The following PGPEP1L variants were observed in gnomAD, a reference collection of about 807,000 sequenced individuals.
The protein encoded by PGPEP1L is pyroglutamyl-peptidase 1-like protein.
Under a neutral mutation model 6.0 loss-of-function variants are expected in PGPEP1L, and 7 were observed. That is an observed-to-expected ratio of 1.17 (90% CI 0.66 to 2.19). The LOEUF is 2.19. PGPEP1L is among the 30% of genes most tolerant of loss of function. The pLI, the probability that PGPEP1L is intolerant of heterozygous loss-of-function variation, is 0.00. For synonymous variants in PGPEP1L, 103 were observed against 83.9 expected (o/e 1.23, Z -1.24); for missense variants, 209 against 192.5 (o/e 1.09, Z -0.51).
chr15:98,973,285 T>C (rs1208758115), intron 2 of PGPEP1L, among the ~76,000 whole-genome samples: 5 of 152,212 alleles, frequency 3.3e-5, no homozygotes, highest in Admixed American at 6.5e-5. Context: ...TACTCCACTT[T>C]CAGCAATGGA....
chr15:98,983,972 GT>G (rs1287141394), intron 2 of PGPEP1L, among the ~76,000 whole-genome samples: 2 of 145,532 alleles, frequency 1.4e-5, no homozygotes, highest in Non-Finnish European at 3.0e-5. Context: ...AATTCCATGA[GT>G]TCCCATTTAT....
chr15:99,002,751 G>C (rs2654973), intron 2 of PGPEP1L, among the ~76,000 whole-genome samples: 99,545 of 150,268 alleles, frequency 0.66, 33,945 homozygotes, highest in Non-Finnish European at 0.77. Flanking sequence ...GTGGGCTGCA[G>C]ATACAAGTGG....
intron 2 of PGPEP1L, among the ~76,000 whole-genome samples, chr15:98,972,077 G>T (rs1285409716): frequency 2.0e-5 from 3 of 152,136 alleles, no homozygotes; most frequent in East Asian, 1.9e-4. Context: ...CATGGGCCAG[G>T]CATGGTGGTT....
intron 3 of PGPEP1L, among the ~76,000 whole-genome samples, chr15:98,970,036 ATATTT>A (rs1215365782): frequency 1.3e-5 from 2 of 151,914 alleles, no homozygotes; most frequent in East Asian, 1.9e-4. Context: ...TTTTTATTTT[ATATTT>A]TATTTATGTA....
Position 98,968,638 on chromosome 15 carries a change from A to G in PGPEP1L, c.269T>C (p.Leu90Pro). ...SLHHGKGCAA[L>P]IHVPPLSRGL... ...GCGCGATAGTGGAGGGACATGGATG[A>G]GTGCCGCGCAGCCCTTTCCATGATG... Residue 90 changes from leucine to proline, a missense_variant, in exon 5 of 5, where the codon CTC becomes CCC. Transcript: ENST00000535714. 1 of 1,599,274 alleles carries G rather than the reference A, an allele frequency of 6.3e-7. No individual in the cohort carries two copies. The highest frequency in any genetic ancestry group is 8.5e-7 in the Non-Finnish European group (1 of 1,172,716).
intron 2 of PGPEP1L, among the ~76,000 whole-genome samples, chr15:99,002,535 A>G (rs1267647304): frequency 6.6e-6 from 1 of 152,206 alleles, no homozygotes; most frequent in Non-Finnish European, 1.5e-5. Flanking sequence ...AATTATACCA[A>G]TGTCAATATC....
chr15:98,969,625 G>A lies in PGPEP1L; in HGVS notation c.9C>T (p.Thr3=), dbSNP rs1306935506. ...GTTCCAGAATGATCGCCTTGGCGGC[G>A]GTGTCCATGCCCACATGCACGACGA... MD[T]AAKAIILEQS... The change falls in exon 4 of 5, where the codon ACC becomes ACT. Residue 3 remains threonine, a synonymous_variant. Transcript: ENST00000535714. 4 of 1,612,422 alleles carry A rather than the reference G, an allele frequency of 2.5e-6. No homozygotes were observed. The highest frequency in any genetic ancestry group is 1.3e-5 in the African/African-American group (1 of 74,912).
At chr15:98,991,588 C>T (rs1555472082) in intron 2 of PGPEP1L, among the ~76,000 whole-genome samples, 1 of 152,144 alleles carries the variant, frequency 6.6e-6, no homozygotes, top group Non-Finnish European at 1.5e-5. Flanking sequence ...AGGGAATCCT[C>T]CCTAACTCAT....
Position 99,005,461 on chromosome 15 carries a change from A to G in PGPEP1L, c.-174T>C, listed in dbSNP as rs1270683039. 6.6e-6 allele frequency: 1 copy of G among 152,548 alleles called. No homozygotes were observed. Among genetic ancestry groups the G allele is most frequent in the African/African-American group, 2.4e-5 (1 of 41,472 alleles). 9.4% of individuals were successfully genotyped at this position (152,548 alleles called of 1,614,324 possible). ...CACCACGCAGCTGGGCTGGGAATCCATGAAGACGAAGTGGGAGCTCGCGCT... is the reference window on the plus strand; with the variant it reads ...CACCACGCAGCTGGGCTGGGAATCCGTGAAGACGAAGTGGGAGCTCGCGCT... On this transcript the variant is annotated 5_prime_UTR_variant, in exon 2 of 5. The change abolishes an upstream ATG in the 5' untranslated region. Transcript: ENST00000535714.
intron 2 of PGPEP1L, among the ~76,000 whole-genome samples, chr15:99,000,258 G>T (rs1211290532): frequency 6.6e-6 from 1 of 152,200 alleles, no homozygotes; most frequent in Non-Finnish European, 1.5e-5. Context: ...CAGGGCTCAG[G>T]ACCTGCAGCC....
At chr15:98,974,930 AAG>A (rs2084497702) in intron 2 of PGPEP1L, among the ~76,000 whole-genome samples, 1 of 152,178 alleles carries the variant, frequency 6.6e-6, no homozygotes, top group African/African-American at 2.4e-5. Context: ...AACAACTAAA[AAG>A]AGATATACCA....
chr15:99,006,580 G>T (rs1319302402), intron 1 of PGPEP1L, among the ~76,000 whole-genome samples: 1 of 152,218 alleles, frequency 6.6e-6, no homozygotes, highest in Non-Finnish European at 1.5e-5. Flanking sequence ...TTTAATTTCA[G>T]CATTTTGAGA....
intron 2 of PGPEP1L, among the ~76,000 whole-genome samples, chr15:98,981,489 C>CAAAAAAAAAAAA (rs769918543): frequency 3.7e-5 from 3 of 82,112 alleles, no homozygotes; most frequent in Non-Finnish European, 6.1e-5. Context: ...GACTCCGTCT[C>CAAAAAAAAAAAA]AAAAAAAAAA....
chr15:99,005,949 T>C (rs2018051438), intron 1 of PGPEP1L, among the ~76,000 whole-genome samples: 1 of 152,188 alleles, frequency 6.6e-6, no homozygotes, highest in Non-Finnish European at 1.5e-5. Flanking sequence ...TAGTAATCCC[T>C]GCCAGAGCCC....
chr15:98,978,726 A>AT (rs57804945), intron 2 of PGPEP1L, among the ~76,000 whole-genome samples: 1,147 of 85,236 alleles, frequency 0.013, 17 homozygotes, highest in African/African-American at 0.018. Context: ...ATATATATAT[A>AT]TTTTTTTTTT....
In PGPEP1L at chr15:98,971,160, TGAGGA is replaced by T; in HGVS notation, c.-141-7_-141-3del. On this transcript the variant is annotated splice_polypyrimidine_tract_variant and splice_region_variant and intron_variant, in intron 2 of 4. Transcript: ENST00000535714. Reference sequence around the variant, plus strand: ...CCCCAGGCCCAGCTTGGAGAGCTCCTGAGGAAAGCGGCAGGTGGACTTGCCTCAGT... The same window carrying T: ...CCCCAGGCCCAGCTTGGAGAGCTCCTAAGCGGCAGGTGGACTTGCCTCAGT... 1 of 1,438,544 alleles carries T rather than the reference TGAGGA, an allele frequency of 7.0e-7. No homozygotes were observed. The highest frequency in any genetic ancestry group is 9.3e-7 in the Non-Finnish European group (1 of 1,073,770). The allele number at this position is 1,438,544 out of a possible 1,614,324, so 89.1% of individuals were successfully genotyped here. A position where few individuals can be genotyped will look rare whatever the true frequency, so the allele number is the denominator to read the frequency against.
intron 2 of PGPEP1L, among the ~76,000 whole-genome samples, chr15:98,988,137 CAG>C (rs2017773384): frequency 6.6e-6 from 1 of 152,052 alleles, no homozygotes. Context: ...ACCAGCGAGA[CAG>C]AATCTTTCAC....
At chr15:99,006,923 G>A (rs2018077211) in intron 1 of PGPEP1L, among the ~76,000 whole-genome samples, 1 of 152,188 alleles carries the variant, frequency 6.6e-6, no homozygotes, top group Admixed American at 6.5e-5. Flanking sequence ...TCCCTTCAGG[G>A]AAGCAGGCAG....
chr15:99,002,487 C>T (rs1300928989), intron 2 of PGPEP1L, among the ~76,000 whole-genome samples: 1 of 151,844 alleles, frequency 6.6e-6, no homozygotes, highest in Non-Finnish European at 1.5e-5. Flanking sequence ...GCTGAAATTA[C>T]ACACACACAC....
Sources: gnomAD v4.1 joint callset for allele counts (sites outside exome capture counted in the v4.1 genomes callset) on GRCh38, gnomAD v4.1.1 for gene constraint, MANE v1.5 for transcripts, NCBI Gene and HGNC (gene_info 2026-07-23, HGNC 2026-07-21) for gene names.